The following IL1RAPL1 variants were observed in gnomAD, a reference collection of about 807,000 sequenced individuals.
IL1RAPL1 encodes the protein interleukin 1 receptor accessory protein like 1.
In IL1RAPL1, 3 loss-of-function variants were observed where a neutral mutation model predicts 48.4. The observed-to-expected ratio is 0.06, with a 90% CI of 0.03 to 0.16. The LOEUF is 0.16. Among genes scored for constraint, IL1RAPL1 ranks in the 10% least tolerant of loss-of-function variants. The pLI is 1.00. For synonymous variants in IL1RAPL1, 185 were observed against 187.7 expected, an observed-to-expected ratio of 0.99 and a Z score of 0.12; for missense variants, 349 against 530.6, an observed-to-expected ratio of 0.66 and a Z score of 3.36.
At position 29,822,064 on chromosome X, in the gene IL1RAPL1, T is replaced by C. The variant is rs772014340; in HGVS notation, c.779-95400T>C. Among the ~76,000 whole-genome samples the C allele has an allele frequency of 2.7e-5, 3 of 112,079 alleles. No individual in the cohort carries two copies. In the Admixed American group the frequency reaches 2.9e-4, roughly 11 times the overall value. On this transcript the variant is annotated intron_variant, in intron 6 of 10. Coordinates refer to ENST00000378993, the MANE Select transcript of IL1RAPL1 (RefSeq NM_014271.4). Reference sequence around the variant, plus strand: ...TTCATATGGAAGCCAGAAAATACAGTCAAAGATTTAATTTTCCAATTGATC... The same window carrying C: ...TTCATATGGAAGCCAGAAAATACAGCCAAAGATTTAATTTTCCAATTGATC...
intron 5 of IL1RAPL1, among the ~76,000 whole-genome samples, chrX:29,494,440 G>A (rs1431086748): frequency 9.0e-6 from 1 of 111,607 alleles, no homozygotes; most frequent in African/African-American, 3.3e-5. Context: ...CATTTCCTTA[G>A]GTTTTAGATG....
At chrX:29,202,616 C>T (rs375659334) in intron 2 of IL1RAPL1, among the ~76,000 whole-genome samples, 21 of 111,806 alleles carry the variant, frequency 1.9e-4, no homozygotes, top group African/African-American at 6.8e-4. Context: ...CCTACATGCC[C>T]ATCAATGGTA....
At chrX:29,254,807 C>G (rs1291201412) in intron 2 of IL1RAPL1, among the ~76,000 whole-genome samples, 1 of 111,788 alleles carries the variant, frequency 8.9e-6, no homozygotes, top group African/African-American at 3.2e-5. Context: ...ATTTTAATCT[C>G]AAATACCACG....
intron 5 of IL1RAPL1, among the ~76,000 whole-genome samples, chrX:29,516,133 C>G (rs1343994270): frequency 8.9e-6 from 1 of 111,983 alleles, no homozygotes; most frequent in Non-Finnish European, 1.9e-5. Context: ...CTGACAAGGT[C>G]ATGCCTATAT....
At chrX:29,104,090 C>T (rs920025492) in intron 2 of IL1RAPL1, among the ~76,000 whole-genome samples, 2 of 111,669 alleles carry the variant, frequency 1.8e-5, no homozygotes, top group Non-Finnish European at 3.8e-5. Context: ...AAAAATAGAA[C>T]TACCATATGA....
intron 2 of IL1RAPL1, among the ~76,000 whole-genome samples, chrX:29,061,739 G>A (rs1163328234): frequency 2.7e-5 from 3 of 112,527 alleles, no homozygotes; most frequent in Non-Finnish European, 5.6e-5. Flanking sequence ...GATTATAGGC[G>A]TGAGCCACCG....
At chrX:29,505,684 T>G (rs1935320212) in intron 5 of IL1RAPL1, among the ~76,000 whole-genome samples, 1 of 111,585 alleles carries the variant, frequency 9.0e-6, no homozygotes, top group Admixed American at 9.5e-5. Context: ...TGTCTTTGAC[T>G]TTTGAGAGTT....
At chrX:29,667,312 AGAG>A (rs1267175073) in intron 5 of IL1RAPL1, among the ~76,000 whole-genome samples, 1 of 112,106 alleles carries the variant, frequency 8.9e-6, no homozygotes, top group Non-Finnish European at 1.9e-5. Context: ...TTTAAAAAGA[AGAG>A]GAGGCAAGCT....
chrX:29,492,722 T>C (rs1369259482), intron 5 of IL1RAPL1, among the ~76,000 whole-genome samples: 1 of 112,198 alleles, frequency 8.9e-6, no homozygotes, highest in Non-Finnish European at 1.9e-5. Context: ...TCTATAGCCT[T>C]AATCACATTT....
intron 3 of IL1RAPL1, among the ~76,000 whole-genome samples, chrX:29,385,315 A>G (rs1038705334): frequency 3.6e-5 from 4 of 112,167 alleles, no homozygotes; most frequent in South Asian, 3.7e-4. Flanking sequence ...TTAGCCGGGC[A>G]TGGTGGCACA....
chrX:29,452,472 G>C (rs1934690216), intron 5 of IL1RAPL1, among the ~76,000 whole-genome samples: 1 of 111,653 alleles, frequency 9.0e-6, no homozygotes, highest in African/African-American at 3.3e-5. Flanking sequence ...TTTTTTATGA[G>C]ACAATTTAGG....
intron 2 of IL1RAPL1, among the ~76,000 whole-genome samples, chrX:28,817,034 A>C (rs999607964): frequency 8.1e-5 from 9 of 110,509 alleles, no homozygotes; most frequent in African/African-American, 3.0e-4. Flanking sequence ...TGTAATTATG[A>C]ATCCCAGTGT....
chrX:29,611,043 GA>G (rs1456343416), intron 5 of IL1RAPL1, among the ~76,000 whole-genome samples: 2 of 111,923 alleles, frequency 1.8e-5, no homozygotes, highest in East Asian at 5.6e-4. Flanking sequence ...ATAAGACAAG[GA>G]AAAAATATTT....
intron 2 of IL1RAPL1, among the ~76,000 whole-genome samples, chrX:28,957,222 A>G (rs980773940): frequency 3.6e-5 from 4 of 111,415 alleles, no homozygotes; most frequent in Non-Finnish European, 7.5e-5. Context: ...AGCATGGCAC[A>G]TGTATACATA....
intron 2 of IL1RAPL1, among the ~76,000 whole-genome samples, chrX:29,185,326 C>T (rs1930229562): frequency 9.0e-6 from 1 of 111,275 alleles, no homozygotes; most frequent in Non-Finnish European, 1.9e-5. Flanking sequence ...TTTGTTTTTT[C>T]ACAGAGGATC....
At chrX:29,545,669 T>G (rs370203108) in intron 5 of IL1RAPL1, among the ~76,000 whole-genome samples, 9 of 112,519 alleles carry the variant, frequency 8.0e-5, no homozygotes, top group African/African-American at 2.9e-4. Flanking sequence ...AATGTTCACT[T>G]TATTCATTGC....
At position 29,530,347 on chromosome X, in the gene IL1RAPL1, G is replaced by A. The variant is rs112605439; in HGVS notation, c.703+131039G>A. On this transcript the variant is annotated intron_variant, in intron 5 of 10. Transcript: ENST00000378993. ...TATGTGAGAGGAAATACCAGGAGATGTTAGATGTGGGGAGATGAGAAAGTG... is the reference window on the plus strand; with the variant it reads ...TATGTGAGAGGAAATACCAGGAGATATTAGATGTGGGGAGATGAGAAAGTG... Among the ~76,000 whole-genome samples, 409 of 111,360 alleles carry A rather than the reference G, an allele frequency of 3.7e-3. 2 individuals are homozygous for A. The highest frequency in any genetic ancestry group is 0.011 in the African/African-American group (329 of 30,612).
chrX:29,952,576 A>AG (rs1933340233), intron 9 of IL1RAPL1, among the ~76,000 whole-genome samples: 1 of 112,353 alleles, frequency 8.9e-6, no homozygotes, highest in Non-Finnish European at 1.9e-5. Flanking sequence ...TACTGACTTT[A>AG]TTGTGTGCTT....
chrX:29,091,241 T>A (rs1405717334), intron 2 of IL1RAPL1, among the ~76,000 whole-genome samples: 2 of 112,413 alleles, frequency 1.8e-5, no homozygotes, highest in Non-Finnish European at 3.8e-5. Flanking sequence ...CTCTCCTTGA[T>A]GCTAGAAGAT....
Sources: allele counts gnomAD v4.1 joint callset (sites outside exome capture counted in the v4.1 genomes callset), GRCh38; gene constraint gnomAD v4.1.1; transcripts MANE v1.5; gene names NCBI Gene and HGNC (gene_info 2026-07-23, HGNC 2026-07-21).